The following USP20 variants were observed in gnomAD, a reference collection of about 807,000 sequenced individuals.
The protein encoded by USP20 is ubiquitin specific peptidase 20.
A neutral mutation model predicts 124.2 loss-of-function variants in USP20; 80 were observed. The observed-to-expected ratio is 0.64, with a 90% CI of 0.54 to 0.78. USP20 has a LOEUF of 0.78. Ranked by LOEUF, USP20 falls within the 30% of genes least tolerant of loss-of-function variation. The pLI is 0.00. For missense variants in USP20, 1,043 were observed against 1,244.4 expected (o/e 0.84, Z 2.44); for synonymous variants, 481 against 512.3 (o/e 0.94, Z 0.83).
chr9:129,841,354 A>G (rs2032201359), intron 1 of USP20, among the ~76,000 whole-genome samples: 2 of 152,360 alleles, frequency 1.3e-5, no homozygotes, highest in South Asian at 4.1e-4. Context: ...GGCCTGCCCT[A>G]AAGATCTTAT....
At position 129,878,330 on chromosome 9, in the gene USP20, C is replaced by T. The variant is rs1300388689; in HGVS notation, c.2410-8C>T. ...CTCTGTCTCCTCCCGTCCCTGCCCG[C>T]CTGCCAGTTGAACAAGGCCTTCCAG... On this transcript the variant is annotated splice_polypyrimidine_tract_variant and splice_region_variant and intron_variant, in intron 22 of 25. Transcript: ENST00000372429. The T allele has an allele frequency of 9.5e-6, 15 of 1,577,636 alleles. No homozygotes were observed. The highest frequency in any genetic ancestry group is 1.1e-5 in the Non-Finnish European group (13 of 1,161,366).
chr9:129,879,108 A>G lies in USP20; in HGVS notation c.2513-465A>G, dbSNP rs936480328. ...TCTGGTGGTGGCTGAGGCCTTCAGC[A>G]TGGCTGTGGTTGAGAATGTAGCTCC... On this transcript the variant is annotated intron_variant, in intron 23 of 25. Coordinates refer to ENST00000372429, the MANE Select transcript of USP20 (RefSeq NM_001110303.4). This position sits in a 1 kb window ranked among gnomAD's most constrained non-coding sequence, Gnocchi z 4.2. Among the ~76,000 whole-genome samples, 5 of 152,210 alleles carry G rather than the reference A, an allele frequency of 3.3e-5. No homozygotes were observed. Among genetic ancestry groups the G allele is most frequent in the Admixed American group, 1.3e-4 (2 of 15,290 alleles).
chr9:129,874,874 G>T lies in USP20; in HGVS notation c.1967G>T (p.Trp656Leu). The T allele has an allele frequency of 6.2e-7, 1 of 1,614,136 alleles. No individual in the cohort carries two copies. Among genetic ancestry groups the T allele is most frequent in the Non-Finnish European group, 8.5e-7 (1 of 1,180,032 alleles). ...TGCCAGAACGTGATCAATGGGCAGT[G>T]GTACGAGTTTGATGACCAGTACGTC... ...AYCQNVINGQ[W>L]YEFDDQYVTE... The change falls in exon 19 of 26, where the codon TGG (tryptophan) becomes TTG (leucine). Residue 656 changes from tryptophan to leucine, a missense_variant. By Grantham distance (61) the Trp-to-Leu change is moderately conservative (BLOSUM62 -2). Transcript: ENST00000372429.
At chr9:129,858,004 A>T (rs1803788645) in intron 4 of USP20, 46 bp from the exon 5 acceptor site, 1 of 1,564,732 alleles carries the variant, frequency 6.4e-7, no homozygotes, top group Admixed American at 1.7e-5. Flanking sequence ...TGTTGACACC[A>T]TCCTTTTGGC....
intron 22 of USP20, among the ~76,000 whole-genome samples, chr9:129,877,757 A>G (rs1303975393): frequency 6.6e-6 from 1 of 152,118 alleles, no homozygotes; most frequent in African/African-American, 2.4e-5. Flanking sequence ...AGATAGGCAC[A>G]TTCTATTCAA....
chr9:129,880,260 C>T lies in USP20; in HGVS notation c.2732C>T (p.Thr911Met), dbSNP rs745778885. Residue 911 changes from threonine (T) to methionine (M), a missense_variant, in exon 25 of 26, where the codon ACG (threonine) becomes ATG (methionine). Physicochemically the swap from Thr to Met is moderately conservative, Grantham distance 81. Coordinates refer to ENST00000372429, the MANE Select transcript of USP20 (RefSeq NM_001110303.4). The part of the protein sequence containing the change: ...LHGEQKIEAE[T>M]RAV ...GGGGAGCAGAAGATCGAAGCCGAGA[C>T]GCGGGCCGTGTGATCTGCTGGGCTA... The T allele has an allele frequency of 1.1e-5, 18 of 1,601,094 alleles. No homozygotes were observed. The highest frequency in any genetic ancestry group is 6.8e-5 in the East Asian group (3 of 44,388).
chr9:129,845,514 A>C (rs2032488518), intron 1 of USP20, among the ~76,000 whole-genome samples: 1 of 152,136 alleles, frequency 6.6e-6, no homozygotes. Context: ...TGAGAGGAAA[A>C]GCATTTTTTG....
At chr9:129,864,710 G>T (rs2131076016) in intron 9 of USP20, among the ~76,000 whole-genome samples, 1 of 150,928 alleles carries the variant, frequency 6.6e-6, no homozygotes, top group South Asian at 2.1e-4. Context: ...GGAGGCGGAG[G>T]TTGCAGCAAG....
chr9:129,871,680 G>A (rs374661498), intron 15 of USP20, among the ~76,000 whole-genome samples: 37 of 152,262 alleles, frequency 2.4e-4, no homozygotes, highest in African/African-American at 8.7e-4. Context: ...AACCTCATGG[G>A]TATGAGGTGG....
rs1272611629 is a variant in USP20 at position 129,880,041 on chromosome 9, C to T, written c.2585-72C>T. 4 of 1,559,510 alleles carry T rather than the reference C, an allele frequency of 2.6e-6. No individual in the cohort carries two copies. The African/African-American group carries it at 4.1e-5, about 16-fold the overall frequency. On this transcript the variant is annotated intron_variant, in intron 24 of 25. Transcript: ENST00000372429. ...GCTTCGGGGCCTGGCCCTGCGGAGC[C>T]CCCACTGCCCAGGCCGGTGGCTTCC...
intron 8 of USP20, 31 bp from the exon 9 acceptor site, chr9:129,863,155 C>G (rs1422394729): frequency 6.7e-7 from 1 of 1,496,266 alleles, no homozygotes; most frequent in Admixed American, 2.0e-5. Flanking sequence ...CATTTGCTCT[C>G]CTGACCTGGC....
Position 129,846,651 on chromosome 9 carries a change from T to G in USP20, c.-128-3162T>G, listed in dbSNP as rs191647003. 1.7e-4 allele frequency among the ~76,000 whole-genome samples: 26 copies of G among 149,650 alleles called. No individual in the cohort carries two copies. The East Asian group carries it at 5.1e-3, about 29-fold the overall frequency. On this transcript the variant is annotated intron_variant, in intron 1 of 25. Coordinates refer to ENST00000372429, the MANE Select transcript of USP20 (RefSeq NM_001110303.4). Reference sequence around the variant, plus strand: ...TTTTTTTTTTTTTTTAAGATGGAGTTTTGCTCTTGTCACCCAGGCCGGAGT... The same window carrying G: ...TTTTTTTTTTTTTTTAAGATGGAGTGTTGCTCTTGTCACCCAGGCCGGAGT...
Position 129,868,884 on chromosome 9 carries a change from A to G in USP20, c.1158A>G (p.Leu386=). ...RTPEPDNDAH[L]RSSSRPCSPV... ...CAGAGCCGGACAATGATGCTCACCTACGCAGCTCCTCTCGCCCCTGCAGCC... is the reference window on the plus strand; with the variant it reads ...CAGAGCCGGACAATGATGCTCACCTGCGCAGCTCCTCTCGCCCCTGCAGCC... Residue 386 remains leucine (L), a synonymous_variant, in exon 12 of 26, where the codon CTA becomes CTG. Coordinates refer to ENST00000372429, the MANE Select transcript of USP20 (RefSeq NM_001110303.4). 1 of 1,595,578 alleles carries G rather than the reference A, an allele frequency of 6.3e-7. No homozygotes were observed. Among genetic ancestry groups the G allele is most frequent in the Non-Finnish European group, 8.6e-7 (1 of 1,168,580 alleles).
chr9:129,880,544 A>G lies in USP20; in HGVS notation c.*94A>G. On this transcript the variant is annotated 3_prime_UTR_variant, in exon 26 of 26. Transcript: ENST00000372429. The stretch of plus-strand genomic sequence containing the variant: ...GGCTGCTGCAGAACCCCGCCGTGTA[A>G]AGAGGCAGAAAAGTTGGTTTGGTTT... 1 of 461,666 alleles carries G rather than the reference A, an allele frequency of 2.2e-6. No individual in the cohort carries two copies. The highest frequency in any genetic ancestry group is 3.9e-6 in the Non-Finnish European group (1 of 254,934). 28.6% of individuals were successfully genotyped at this position (461,666 alleles called of 1,614,324 possible).
Position 129,868,310 on chromosome 9 carries a change from C to T in USP20, c.996C>T (p.Phe332=), listed in dbSNP as rs41279150. 0.019 allele frequency: 29,922 copies of T among 1,613,850 alleles called. 339 individuals carry two copies. The highest frequency in any genetic ancestry group is 0.022 in the Non-Finnish European group (25,776 of 1,179,964). Residue 332 remains phenylalanine, a synonymous_variant, in exon 11 of 26, where the codon TTC becomes TTT. Coordinates refer to ENST00000372429, the MANE Select transcript of USP20 (RefSeq NM_001110303.4). ...SEKERMKDRK[F]SWGQQRTNSE... ...AGGAGCGGATGAAGGACCGCAAGTT[C>T]TCCTGGGGCCAGCAGCGTACAAACT... is the stretch of plus-strand genomic sequence containing the variant.
intron 16 of USP20, 62 bp downstream of exon 16, chr9:129,873,577 TG>T: frequency 6.2e-7 from 1 of 1,613,680 alleles, no homozygotes; most frequent in Non-Finnish European, 8.5e-7. Context: ...ATATTCCCCT[TG>T]GGTTCCTGCA....
At position 129,874,930 on chromosome 9, in the gene USP20, G is replaced by A. The variant is rs775543267; in HGVS notation, c.2023G>A (p.Ala675Thr). The A allele has an allele frequency of 1.4e-5, 22 of 1,613,888 alleles. No individual in the cohort carries two copies. The East Asian group carries it at 3.3e-4, about 25-fold the overall frequency. Residue 675 changes from alanine (A) to threonine (T), a missense_variant, in exon 19 of 26, where the codon GCC becomes ACC. Coordinates refer to ENST00000372429, the MANE Select transcript of USP20 (RefSeq NM_001110303.4). The stretch of plus-strand genomic sequence containing the variant: ...AGTCCACGAGACGGTGGTGCAGAAC[G>A]CCGAGGGCTACGTACTCTTCTACAG... ...TEVHETVVQNAEGYVLFYRKS... is the reference protein window; with the variant it reads ...TEVHETVVQNTEGYVLFYRKS...
chr9:129,844,336 A>T (rs1277198963), intron 1 of USP20, among the ~76,000 whole-genome samples: 5 of 152,148 alleles, frequency 3.3e-5, no homozygotes, highest in Admixed American at 3.3e-4. Context: ...TTTAAAATTT[A>T]TATATCTGGT....
At chr9:129,860,797 C>A (rs1294565911) in intron 6 of USP20, 140 bp from the exon 7 acceptor site, 7 of 794,200 alleles carry the variant, frequency 8.8e-6, no homozygotes, top group Non-Finnish European at 1.3e-5. Flanking sequence ...TTTCACAGTA[C>A]CTTCTGCTCA....
Sources: allele counts gnomAD v4.1 joint callset (sites outside exome capture counted in the v4.1 genomes callset), GRCh38; gene constraint gnomAD v4.1.1; non-coding constraint Gnocchi (gnomAD v3.1); transcripts MANE v1.5; gene names NCBI Gene and HGNC (gene_info 2026-07-23, HGNC 2026-07-21).